The following ADGRL3 variants were observed in gnomAD, a reference collection of about 807,000 sequenced individuals.
ADGRL3 encodes the protein calcium-independent alpha-latrotoxin receptor 3.
In ADGRL3, 62 loss-of-function variants were observed where a neutral mutation model predicts 153.5. That is an observed-to-expected ratio of 0.40 (90% CI 0.33 to 0.50). The LOEUF is 0.50. ADGRL3 is among the 20% of genes least tolerant of loss of function. The pLI is 0.47. For synonymous variants in ADGRL3, 710 were observed against 672.5 expected (o/e 1.06, Z -0.86); for missense variants, 1,641 against 1,859.4 (o/e 0.88, Z 2.16).
At chr4:61,597,731 G>A (rs1397139143) in intron 5 of ADGRL3, among the ~76,000 whole-genome samples, 1 of 150,016 alleles carries the variant, frequency 6.7e-6, no homozygotes, top group Non-Finnish European at 1.5e-5. Flanking sequence ...ATAGCCTTCA[G>A]GTTTTCTGTT....
At chr4:61,441,313 C>T (rs1395483715) in intron 2 of ADGRL3, among the ~76,000 whole-genome samples, 1 of 152,130 alleles carries the variant, frequency 6.6e-6, no homozygotes, top group East Asian at 1.9e-4. Flanking sequence ...TTTGTCACCA[C>T]CACCTCCTCA....
At chr4:61,568,706 A>C (rs535532878) in intron 4 of ADGRL3, among the ~76,000 whole-genome samples, 1 of 152,266 alleles carries the variant, frequency 6.6e-6, no homozygotes. Flanking sequence ...ATCCTCATTG[A>C]AAATTCTGCA....
In ADGRL3 at chr4:61,643,255, C is replaced by A. The variant is rs1310370819; in HGVS notation, c.474-33571C>A. ...GCAAACAGGGACAATTTGACTTCCT[C>A]TTTTCCTAATTGAATACCCTTTATT... is the stretch of plus-strand genomic sequence containing the variant. On this transcript the variant is annotated intron_variant, in intron 5 of 26. Transcript: ENST00000683033. 1.2e-4 allele frequency among the ~76,000 whole-genome samples: 18 copies of A among 152,040 alleles called. No individual in the cohort carries two copies. The South Asian group carries it at 3.7e-3, about 32-fold the overall frequency.
At chr4:61,890,671 G>C (rs1318281670) in intron 9 of ADGRL3, among the ~76,000 whole-genome samples, 1 of 152,148 alleles carries the variant, frequency 6.6e-6, no homozygotes, top group African/African-American at 2.4e-5. Flanking sequence ...CCTTCATAAA[G>C]GTTCCACTTT....
At position 61,497,305 on chromosome 4, in the gene ADGRL3, G is replaced by T; in HGVS notation, c.12G>T (p.Ser4=). 2 of 1,603,322 alleles carry T rather than the reference G, an allele frequency of 1.2e-6. No individual in the cohort carries two copies. The highest frequency in any genetic ancestry group is 8.5e-7 in the Non-Finnish European group (1 of 1,175,864). Residue 4 remains serine (S), a synonymous_variant, in exon 3 of 27, where the codon TCG becomes TCT. Coordinates refer to ENST00000683033, the MANE Select transcript of ADGRL3 (RefSeq NM_001387552.1). The stretch of plus-strand genomic sequence containing the variant: ...CTGAGTAGACAGCCATGTGGCCATC[G>T]CAGCTACTAATTTTCATGATGCTCT... The part of the protein sequence containing the change: MWP[S]QLLIFMMLLA...
intron 4 of ADGRL3, among the ~76,000 whole-genome samples, chr4:61,555,431 A>C (rs540249639): frequency 6.6e-6 from 1 of 152,356 alleles, no homozygotes; most frequent in African/African-American, 2.4e-5. Context: ...TTTAGAAAAT[A>C]AAGCCAGAAT....
chr4:61,311,734 GA>G (rs2095021157), intron 1 of ADGRL3, among the ~76,000 whole-genome samples: 1 of 152,126 alleles, frequency 6.6e-6, no homozygotes, highest in South Asian at 2.1e-4. Flanking sequence ...ATTGGTGAAA[GA>G]ATAGTCAGAT....
At chr4:61,372,478 A>G (rs1020280010) in intron 1 of ADGRL3, among the ~76,000 whole-genome samples, 1 of 152,096 alleles carries the variant, frequency 6.6e-6, no homozygotes, top group African/African-American at 2.4e-5. Flanking sequence ...GGTCTGTTGG[A>G]GTACCCTGCA....
At chr4:61,731,358 T>C (rs1441881077) in intron 7 of ADGRL3, among the ~76,000 whole-genome samples, 4 of 152,076 alleles carry the variant, frequency 2.6e-5, no homozygotes, top group Non-Finnish European at 5.9e-5. Context: ...AGTTACTGTT[T>C]AAAAGCTAAT....
chr4:61,359,569 G>A (rs1426947053), intron 1 of ADGRL3, among the ~76,000 whole-genome samples: 1 of 152,028 alleles, frequency 6.6e-6, no homozygotes, highest in Non-Finnish European at 1.5e-5. Context: ...TGCTCTCCTT[G>A]TCGTTTTCCA....
chr4:61,326,599 A>ATGTGTGTGTGTGTGTGTG (rs34387631), intron 1 of ADGRL3, among the ~76,000 whole-genome samples: 76 of 140,726 alleles, frequency 5.4e-4, no homozygotes, highest in African/African-American at 1.9e-3. Context: ...ATGCCAGATA[A>ATGTGTGTGTGTGTGTGTG]TGTGTGTGTG....
chr4:61,904,427 G>A (rs1480048231), intron 11 of ADGRL3, among the ~76,000 whole-genome samples: 1 of 152,106 alleles, frequency 6.6e-6, no homozygotes, highest in African/African-American at 2.4e-5. Context: ...AGGATAACAG[G>A]TGTGAGCCAT....
intron 2 of ADGRL3, among the ~76,000 whole-genome samples, chr4:61,393,857 G>A (rs1391669948): frequency 1.3e-5 from 2 of 151,994 alleles, no homozygotes; most frequent in Admixed American, 1.3e-4. Flanking sequence ...TTAGTGTCTG[G>A]TGTGCATAAG....
intron 8 of ADGRL3, among the ~76,000 whole-genome samples, chr4:61,781,198 T>G (rs1369259607): frequency 2.0e-5 from 3 of 151,798 alleles, no homozygotes; most frequent in Admixed American, 2.0e-4. Context: ...CAGTGGTGCA[T>G]GCCTGTAATC....
In ADGRL3 at chr4:61,844,565, AAAAAAAAAAAATAT is replaced by A. The variant is rs1217653481; in HGVS notation, c.1480+30678_1480+30691del. Among the ~76,000 whole-genome samples, 27 of 57,608 alleles carry A rather than the reference AAAAAAAAAAAATAT, an allele frequency of 4.7e-4. No individual in the cohort carries two copies. In the Admixed American group the frequency reaches 6.1e-3, roughly 13 times the overall value. 37.8% of individuals were successfully genotyped at this position (57,608 alleles called of 152,430 possible). A position where few individuals can be genotyped will look rare whatever the true frequency, so the allele number is the denominator to read the frequency against. Reference sequence around the variant, plus strand: ...GCATCTCAAAAAAAAAAAAAAAAAAAAAAAAAAAAAATATATATATATATATATATATTTACTTT... The same window carrying A: ...GCATCTCAAAAAAAAAAAAAAAAAAAATATATATATATATATATTTACTTT... On this transcript the variant is annotated intron_variant, in intron 9 of 26. Transcript: ENST00000683033.
rs567501281 is a variant in ADGRL3, at chr4:61,791,777, C to T, written c.1400-22032C>T. ...GAGGTTCTCAAACCCCAATTCTTGA[C>T]TTATCTGGACTCTCAGACTCAGCAC... is the stretch of plus-strand genomic sequence containing the variant. On this transcript the variant is annotated intron_variant, in intron 8 of 26. Transcript: ENST00000683033. 1.0e-3 allele frequency among the ~76,000 whole-genome samples: 159 copies of T among 152,334 alleles called. 2 individuals carry two copies. The highest frequency in any genetic ancestry group is 0.01 in the Middle Eastern group (3 of 294).
intron 5 of ADGRL3, among the ~76,000 whole-genome samples, chr4:61,604,197 T>G (rs943815073): frequency 1.3e-5 from 2 of 152,240 alleles, no homozygotes; most frequent in African/African-American, 4.8e-5. Context: ...CACATTCCTC[T>G]GTAAGACTAG....
rs1401290115 is a variant in ADGRL3 at position 61,587,320 on chromosome 4, T to A, written c.353T>A (p.Val118Asp). 2 of 1,612,062 alleles carry A rather than the reference T, an allele frequency of 1.2e-6. No individual in the cohort carries two copies. Among genetic ancestry groups the A allele is most frequent in the Non-Finnish European group, 1.7e-6 (2 of 1,178,956 alleles). Residue 118 changes from valine (V) to aspartate (D), a missense_variant, in exon 5 of 27, where the codon GTC becomes GAC. Val to Asp is a radical substitution (Grantham distance 152). Around this residue, in one of 5 missense-constraint regions of ADGRL3, gnomAD observed 213 missense variants for 362.1 expected, o/e 0.59. Transcript: ENST00000683033. The stretch of plus-strand genomic sequence containing the variant: ...GAGCTTCGCTGTCCAGGAACAGACG[T>A]CATCATGATAGAAAGTGCCAACTAT... The part of the protein sequence containing the change: ...PIELRCPGTD[V>D]IMIESANYGR...
chr4:61,828,697 A>G (rs2097839341), intron 9 of ADGRL3, among the ~76,000 whole-genome samples: 1 of 152,180 alleles, frequency 6.6e-6, no homozygotes. Flanking sequence ...TTTGTACTTT[A>G]TTGAAATGTG....
Sources: gnomAD v4.1 joint callset for allele counts (sites outside exome capture counted in the v4.1 genomes callset) on GRCh38, gnomAD v4.1.1 for gene constraint, gnomAD v4.1.1 regional missense constraint, MANE v1.5 for transcripts, NCBI Gene and HGNC (gene_info 2026-07-23, HGNC 2026-07-21) for gene names.